SOX5: variants seen among roughly 807,000 people sequenced by gnomAD.
SOX5 encodes the protein SRY-box transcription factor 5.
A neutral mutation model predicts 92.0 loss-of-function variants in SOX5; 9 were observed. The ratio of observed to expected loss-of-function variants is 0.10; its 90% CI spans 0.06 to 0.17. The LOEUF is 0.17. Ranked by LOEUF, SOX5 falls within the 10% of genes least tolerant of loss-of-function variation. SOX5 has a pLI of 1.00. For synonymous variants in SOX5, 344 were observed against 336.3 expected, an observed-to-expected ratio of 1.02 and a Z score of -0.25; for missense variants, 642 against 944.5, an observed-to-expected ratio of 0.68 and a Z score of 4.20.
At chr12:24,182,048 G>A (rs189785483) in intron 4 of SOX5, among the ~76,000 whole-genome samples, 1 of 152,188 alleles carries the variant, frequency 6.6e-6, no homozygotes, top group African/African-American at 2.4e-5. Flanking sequence ...AAGTTCACAG[G>A]TTATAAAACA....
intron 3 of SOX5, among the ~76,000 whole-genome samples, chr12:23,757,271 T>C (rs2094420167): frequency 6.6e-6 from 1 of 151,870 alleles, no homozygotes; most frequent in Admixed American, 6.6e-5. Context: ...CAGAACAAAA[T>C]ACATAGCTCT....
intron 4 of SOX5, among the ~76,000 whole-genome samples, chr12:24,077,336 T>G (rs1942752487): frequency 6.6e-6 from 1 of 152,284 alleles, no homozygotes; most frequent in East Asian, 1.9e-4. Context: ...CAAACCTGAC[T>G]GAAAACCTTT....
chr12:24,254,162 T>C (rs1307594783), intron 3 of SOX5, among the ~76,000 whole-genome samples: 1 of 152,120 alleles, frequency 6.6e-6, no homozygotes, highest in Non-Finnish European at 1.5e-5. Context: ...AGAGAATACA[T>C]TCTTAGTACC....
intron 4 of SOX5, among the ~76,000 whole-genome samples, chr12:24,125,528 T>C (rs150189374): frequency 2.2e-3 from 340 of 152,268 alleles, no homozygotes; most frequent in African/African-American, 7.9e-3. Context: ...CAGGTACCAT[T>C]TTGCCCCTTC....
At chr12:23,749,517 T>C (rs1417292912) in intron 4 of SOX5, among the ~76,000 whole-genome samples, 1 of 151,878 alleles carries the variant, frequency 6.6e-6, no homozygotes, top group Non-Finnish European at 1.5e-5. Context: ...GTGAATAAAA[T>C]AATGAACAAG....
At chr12:24,249,772 C>G (rs1203532745) in intron 3 of SOX5, among the ~76,000 whole-genome samples, 1 of 152,198 alleles carries the variant, frequency 6.6e-6, no homozygotes, top group East Asian at 1.9e-4. Flanking sequence ...TACATATAAC[C>G]TAAGCATGCT....
intron 3 of SOX5, among the ~76,000 whole-genome samples, chr12:24,276,439 A>G (rs1944441635): frequency 6.6e-6 from 1 of 152,182 alleles, no homozygotes; most frequent in Non-Finnish European, 1.5e-5. Flanking sequence ...ATTATGCAAG[A>G]TGAACAGTGT....
chr12:23,891,578 C>T (rs1218064329), intron 2 of SOX5, among the ~76,000 whole-genome samples: 1 of 146,992 alleles, frequency 6.8e-6, no homozygotes, highest in Non-Finnish European at 1.5e-5. Flanking sequence ...ATGAATGTCA[C>T]ACACAAATAC....
intron 9 of SOX5, among the ~76,000 whole-genome samples, chr12:23,594,478 C>T (rs1952054555): frequency 6.6e-6 from 1 of 151,966 alleles, no homozygotes; most frequent in Non-Finnish European, 1.5e-5. Flanking sequence ...GCTCAAATTC[C>T]AGTATGTTTC....
At chr12:24,068,964 C>A (rs1336593735) in intron 4 of SOX5, among the ~76,000 whole-genome samples, 1 of 150,324 alleles carries the variant, frequency 6.7e-6, no homozygotes, top group Admixed American at 6.6e-5. Flanking sequence ...GTTAGCATAG[C>A]CCCCAGAAAC....
intron 9 of SOX5, chr12:23,584,481 T>C (rs1232955341): frequency 1.8e-6 from 2 of 1,135,600 alleles, no homozygotes; most frequent in African/African-American, 3.0e-5. Flanking sequence ...AGCATCATTA[T>C]GCATAAGTCA....
intron 4 of SOX5, among the ~76,000 whole-genome samples, chr12:24,013,752 CTTA>C (rs774346656): frequency 4.8e-4 from 73 of 152,192 alleles, no homozygotes; most frequent in Non-Finnish European, 9.0e-4. Context: ...TAAAGTAAGG[CTTA>C]TTATTTTTAT....
At chr12:23,777,861 A>C (rs948297317) in intron 3 of SOX5, among the ~76,000 whole-genome samples, 1 of 152,234 alleles carries the variant, frequency 6.6e-6, no homozygotes, top group African/African-American at 2.4e-5. Flanking sequence ...CACATGATAC[A>C]TAAGAGATGA....
intron 3 of SOX5, among the ~76,000 whole-genome samples, chr12:23,783,076 G>T (rs1246500903): frequency 6.6e-6 from 1 of 152,068 alleles, no homozygotes; most frequent in Non-Finnish European, 1.5e-5. Context: ...GCTCATCATA[G>T]TCATTGTCTC....
At chr12:24,289,413 T>C (rs865873552) in intron 2 of SOX5, among the ~76,000 whole-genome samples, 55 of 152,230 alleles carry the variant, frequency 3.6e-4, no homozygotes, top group Middle Eastern at 3.4e-3. Context: ...GTAAAGGCAC[T>C]GAAGGCCTTT....
intron 7 of SOX5, among the ~76,000 whole-genome samples, chr12:23,659,742 G>C (rs544095807): frequency 3.2e-4 from 49 of 152,302 alleles, no homozygotes; most frequent in African/African-American, 1.2e-3. Flanking sequence ...GGAGGTGGGT[G>C]GATCACGTGA....
intron 2 of SOX5, among the ~76,000 whole-genome samples, chr12:24,305,596 T>A (rs1319360274): frequency 1.3e-5 from 2 of 152,140 alleles, no homozygotes; most frequent in East Asian, 3.9e-4. Context: ...TTTATTTATT[T>A]GTGTGTGTGG....
chr12:23,851,095 C>G (rs769085820), intron 2 of SOX5, among the ~76,000 whole-genome samples: 1 of 151,308 alleles, frequency 6.6e-6, no homozygotes, highest in Non-Finnish European at 1.5e-5. Flanking sequence ...AAAAAAAAAA[C>G]CTTATCAAGA....
chr12:24,347,380 G>A (rs1042683089), intron 2 of SOX5, among the ~76,000 whole-genome samples: 1 of 152,122 alleles, frequency 6.6e-6, no homozygotes, highest in Non-Finnish European at 1.5e-5. Context: ...GATAACCAGG[G>A]ATGACTACAC....
Sources: allele counts gnomAD v4.1 joint callset (sites outside exome capture counted in the v4.1 genomes callset), GRCh38; gene constraint gnomAD v4.1.1; transcripts MANE v1.5; gene names NCBI Gene and HGNC (gene_info 2026-07-23, HGNC 2026-07-21).